Variants in RBP2 observed in about 807,000 individuals in gnomAD.
The protein encoded by RBP2 is retinol binding protein 2.
A neutral mutation model predicts 17.0 loss-of-function variants in RBP2; 17 were observed. The observed-to-expected ratio is 1.00, with a 90% CI of 0.68 to 1.50. RBP2 has a LOEUF of 1.50. Ranked by LOEUF, RBP2 falls within the 40% of genes most tolerant of loss-of-function variation. The pLI is 0.00. For missense variants in RBP2, 158 were observed against 168.2 expected, an observed-to-expected ratio of 0.94 and a Z score of 0.33; for synonymous variants, 48 against 57.1, an observed-to-expected ratio of 0.84 and a Z score of 0.72.
chr3:139,476,467 G>A lies in RBP2; in HGVS notation c.-8C>T. The A allele has an allele frequency of 1.2e-6, 2 of 1,613,764 alleles. No homozygotes were observed. The highest frequency in any genetic ancestry group is 1.7e-6 in the Non-Finnish European group (2 of 1,179,784). On this transcript the variant is annotated 5_prime_UTR_variant, in exon 1 of 4. Coordinates refer to ENST00000232217, the MANE Select transcript of RBP2 (RefSeq NM_004164.3). ...ATTCTGGTCCCTTGTCATGGTGGTG[G>A]CCACTGGTTCGGTGAGGGTTTGTGG...
At chr3:139,475,044 G>A (rs982578972) in intron 1 of RBP2, among the ~76,000 whole-genome samples, 5 of 152,048 alleles carry the variant, frequency 3.3e-5, no homozygotes, top group Non-Finnish European at 7.4e-5. Context: ...TGAAGAGGCC[G>A]GGTGCGGTGG....
At chr3:139,457,495 T>TA (rs1355751854) in intron 2 of RBP2, among the ~76,000 whole-genome samples, 1 of 152,246 alleles carries the variant, frequency 6.6e-6, no homozygotes, top group African/African-American at 2.4e-5. Flanking sequence ...TATTTTATTT[T>TA]AATAACTCAT....
At position 139,453,131 on chromosome 3, in the gene RBP2, C is replaced by T. The variant is rs1240037101; in HGVS notation, c.390G>A (p.Val130=). The T allele has an allele frequency of 1.9e-6, 3 of 1,614,030 alleles. No individual in the cohort carries two copies. Among genetic ancestry groups the T allele is most frequent in the African/African-American group, 1.3e-5 (1 of 74,912 alleles). The change falls in exon 4 of 4, where the codon GTG becomes GTA. Residue 130 remains valine (V), a synonymous_variant. Coordinates refer to ENST00000232217, the MANE Select transcript of RBP2 (RefSeq NM_004164.3). The stretch of plus-strand genomic sequence containing the variant: ...CACGTCGCCATCATTTCTTTTTGAA[C>T]ACTTGACGGCACACCTGGTCACCAC... ...LTCGDQVCRQ[V]FKKK
intron 2 of RBP2, among the ~76,000 whole-genome samples, chr3:139,455,324 G>A (rs976001669): frequency 6.6e-6 from 1 of 152,272 alleles, no homozygotes; most frequent in South Asian, 2.1e-4. Context: ...CAGCTTACAA[G>A]GGGGAGAGAG....
intron 1 of RBP2, among the ~76,000 whole-genome samples, chr3:139,465,436 T>C (rs529615055): frequency 6.6e-6 from 1 of 152,278 alleles, no homozygotes; most frequent in South Asian, 2.1e-4. Context: ...TATTTTATCC[T>C]CATTTTGCCA....
At chr3:139,456,259 T>C (rs1172630282) in intron 2 of RBP2, among the ~76,000 whole-genome samples, 1 of 152,152 alleles carries the variant, frequency 6.6e-6, no homozygotes, top group East Asian at 1.9e-4. Context: ...TGACCTGTGG[T>C]TTTTTCCCCA....
In RBP2 at chr3:139,462,221, T is replaced by C. The variant is rs1662559887; in HGVS notation, c.143A>G (p.Asp48Gly). 4 of 1,614,072 alleles carry C rather than the reference T, an allele frequency of 2.5e-6. No individual in the cohort carries two copies. In the Admixed American group the frequency reaches 6.7e-5, roughly 27 times the overall value. The change falls in exon 2 of 4, where the codon GAT (aspartate) becomes GGT (glycine). Residue 48 changes from aspartate (D) to glycine (G), a missense_variant. By Grantham distance (94) the Asp-to-Gly change is moderately conservative (BLOSUM62 -1). Coordinates refer to ENST00000232217, the MANE Select transcript of RBP2 (RefSeq NM_004164.3). ...GCTAGTGGTTTTTGTCTTGAAGTTA[T>C]CACCATCTTGATCAATAACCTTCGT... is the stretch of plus-strand genomic sequence containing the variant. ...TQTKVIDQDG[D>G]NFKTKTTSTF... is the part of the protein sequence containing the mutation.
intron 1 of RBP2, among the ~76,000 whole-genome samples, chr3:139,469,332 G>C (rs1933470319): frequency 6.6e-6 from 1 of 152,082 alleles, no homozygotes; most frequent in African/African-American, 2.4e-5. Context: ...CTTCCTTCTA[G>C]GCACCGGGGG....
chr3:139,455,889 C>T (rs978784661), intron 2 of RBP2, among the ~76,000 whole-genome samples: 1 of 152,230 alleles, frequency 6.6e-6, no homozygotes, highest in Non-Finnish European at 1.5e-5. Flanking sequence ...TTCTGAATCC[C>T]AAGAGTGCTC....
At chr3:139,465,327 G>A (rs1933322208) in intron 1 of RBP2, among the ~76,000 whole-genome samples, 2 of 152,156 alleles carry the variant, frequency 1.3e-5, no homozygotes, top group Non-Finnish European at 2.9e-5. Context: ...GTGTCCCTTT[G>A]TGTCTAGGGA....
intron 1 of RBP2, among the ~76,000 whole-genome samples, chr3:139,468,552 C>G (rs1348534506): frequency 2.6e-5 from 4 of 152,126 alleles, no homozygotes; most frequent in Non-Finnish European, 5.9e-5. Context: ...CCCAGTAAAT[C>G]ATGTTGCCTC....
intron 1 of RBP2, among the ~76,000 whole-genome samples, chr3:139,469,440 G>A (rs1370216913): frequency 2.0e-5 from 3 of 152,140 alleles, no homozygotes; most frequent in African/African-American, 7.2e-5. Flanking sequence ...ACATTAGAGT[G>A]GAGCTGATGC....
chr3:139,475,888 T>G (rs1363854488), intron 1 of RBP2, among the ~76,000 whole-genome samples: 1 of 152,246 alleles, frequency 6.6e-6, no homozygotes. Context: ...TTGTGCTATC[T>G]GACAACAGCC....
chr3:139,460,330 C>A (rs1339699518), intron 2 of RBP2, among the ~76,000 whole-genome samples: 3 of 152,152 alleles, frequency 2.0e-5, no homozygotes, highest in Non-Finnish European at 4.4e-5. Flanking sequence ...TTCCAGGGCC[C>A]AGAATCATAA....
Position 139,476,472 on chromosome 3 carries a change from T to C in RBP2, c.-13A>G, listed in dbSNP as rs1406450197. ...GGTCCCTTGTCATGGTGGTGGCCACTGGTTCGGTGAGGGTTTGTGGTGGAT... is the reference window on the plus strand; with the variant it reads ...GGTCCCTTGTCATGGTGGTGGCCACCGGTTCGGTGAGGGTTTGTGGTGGAT... On this transcript the variant is annotated 5_prime_UTR_variant, in exon 1 of 4. Coordinates refer to ENST00000232217, the MANE Select transcript of RBP2 (RefSeq NM_004164.3). 1 of 1,613,386 alleles carries C rather than the reference T, an allele frequency of 6.2e-7. No homozygotes were observed. Among genetic ancestry groups the C allele is most frequent in the South Asian group, 1.1e-5 (1 of 91,026 alleles).
In RBP2 at chr3:139,476,364, C is replaced by T. The variant is rs376676242; in HGVS notation, c.73+23G>A. 5.6e-6 allele frequency: 9 copies of T among 1,606,180 alleles called. No homozygotes were observed. The African/African-American group carries it at 9.4e-5, about 17-fold the overall frequency. On this transcript the variant is annotated intron_variant, in intron 1 of 3. Coordinates refer to ENST00000232217, the MANE Select transcript of RBP2 (RefSeq NM_004164.3). The stretch of plus-strand genomic sequence containing the variant: ...AGTACTCCCAACAACAGCTACCCTC[C>T]CCATCCCCAGTCTCCTCCTTACCCA...
At chr3:139,462,440 C>G (rs1007090199) in intron 1 of RBP2, 150 bp from the exon 2 acceptor site, 2 of 806,236 alleles carry the variant, frequency 2.5e-6, no homozygotes, top group African/African-American at 3.5e-5. Flanking sequence ...TTACTCGTGG[C>G]CAAGTTGGGC....
At chr3:139,454,091 C>T (rs1040230526) in intron 3 of RBP2, among the ~76,000 whole-genome samples, 1 of 151,780 alleles carries the variant, frequency 6.6e-6, no homozygotes, top group Non-Finnish European at 1.5e-5. Context: ...TACAAATGAG[C>T]GAAAAAGGAT....
At position 139,460,304 on chromosome 3, in the gene RBP2, G is replaced by T. The variant is rs114495134; in HGVS notation, c.252+1808C>A. Among the ~76,000 whole-genome samples the T allele has an allele frequency of 4.5e-3, 682 of 152,298 alleles. 7 individuals carry two copies. The highest frequency in any genetic ancestry group is 0.016 in the African/African-American group (660 of 41,560). ...TGATCCATTATCCCCTCAGGGAGGG[G>T]TTCCATAAGTGGACATTCCAGGGCC... On this transcript the variant is annotated intron_variant, in intron 2 of 3. Transcript: ENST00000232217.
Sources: gnomAD v4.1 joint callset for allele counts (sites outside exome capture counted in the v4.1 genomes callset) on GRCh38, gnomAD v4.1.1 for gene constraint, MANE v1.5 for transcripts, NCBI Gene and HGNC (gene_info 2026-07-23, HGNC 2026-07-21) for gene names.